Variants in PRDM5 observed in about 807,000 individuals in gnomAD.
PRDM5 encodes PR/SET domain 5, also known as PR domain zinc finger protein 5.
Under a neutral mutation model 81.2 loss-of-function variants are expected in PRDM5, and 56 were observed. That is an observed-to-expected ratio of 0.69 (90% confidence interval 0.56 to 0.86). PRDM5 has a LOEUF of 0.86. Among genes scored for constraint, PRDM5 ranks in the 40% least tolerant of loss-of-function variants. The probability of loss-of-function intolerance (pLI) is 0.00; values close to 1 mark genes in which losing one functional copy is unlikely to be tolerated. For synonymous variants in PRDM5, 267 were observed against 256.4 expected, an observed-to-expected ratio of 1.04 and a Z score of -0.39; for missense variants, 697 against 770.1, an observed-to-expected ratio of 0.91 and a Z score of 1.12.
At chr4:120,834,443 C>A (rs537116551) in intron 3 of PRDM5, among the ~76,000 whole-genome samples, 1 of 152,204 alleles carries the variant, frequency 6.6e-6, no homozygotes, top group South Asian at 2.1e-4. Context: ...AGGAAGCAGG[C>A]CCTCGTCAGA....
intron 3 of PRDM5, among the ~76,000 whole-genome samples, chr4:120,833,450 T>G (rs1756955612): frequency 6.6e-6 from 1 of 152,152 alleles, no homozygotes. Context: ...AACTCAGATA[T>G]TCCCAAAAGA....
chr4:120,874,599 T>C (rs1031129875), intron 2 of PRDM5, among the ~76,000 whole-genome samples: 6 of 152,172 alleles, frequency 3.9e-5, no homozygotes, highest in African/African-American at 9.7e-5. Context: ...TAACAGCCAA[T>C]TTAAATCAAA....
intron 13 of PRDM5, among the ~76,000 whole-genome samples, chr4:120,766,284 G>T (rs960827243): frequency 3.3e-5 from 5 of 152,132 alleles, no homozygotes; most frequent in African/African-American, 1.2e-4. Flanking sequence ...CCATTTATCA[G>T]AGATGAGGAA....
chr4:120,698,489 A>G (rs1205360301), intron 15 of PRDM5, among the ~76,000 whole-genome samples: 1 of 151,956 alleles, frequency 6.6e-6, no homozygotes, highest in Non-Finnish European at 1.5e-5. Flanking sequence ...TTCACTAGGT[A>G]TTTTCTCCTC....
At chr4:120,877,530 T>A (rs1268807076) in intron 2 of PRDM5, among the ~76,000 whole-genome samples, 1 of 152,080 alleles carries the variant, frequency 6.6e-6, no homozygotes, top group East Asian at 1.9e-4. Flanking sequence ...CGGGGCCGGG[T>A]GCGGTGGCTC....
At chr4:120,843,747 T>G (rs1207201142) in intron 3 of PRDM5, among the ~76,000 whole-genome samples, 1 of 151,994 alleles carries the variant, frequency 6.6e-6, no homozygotes, top group Non-Finnish European at 1.5e-5. Context: ...CACAAAACTT[T>G]CTTCTTTAAA....
chr4:120,873,883 C>T (rs1162385304), intron 2 of PRDM5, among the ~76,000 whole-genome samples: 1 of 152,156 alleles, frequency 6.6e-6, no homozygotes, highest in Non-Finnish European at 1.5e-5. Context: ...TAGATAGAAA[C>T]TATTAAATAG....
chr4:120,688,193 CT>C (rs1733905986), downstream of PRDM5, among the ~76,000 whole-genome samples: 1 of 151,304 alleles, frequency 6.6e-6, no homozygotes, highest in Non-Finnish European at 1.5e-5. Context: ...TGAGGTGACA[CT>C]TCATAGTGGT....
chr4:120,771,063 C>T (rs1447286997), intron 13 of PRDM5, among the ~76,000 whole-genome samples: 1 of 151,974 alleles, frequency 6.6e-6, no homozygotes, highest in Non-Finnish European at 1.5e-5. Context: ...ATCCATATCA[C>T]TTTTGTTACC....
At chr4:120,853,775 C>CCTA (rs1391535681) in intron 2 of PRDM5, among the ~76,000 whole-genome samples, 2 of 152,130 alleles carry the variant, frequency 1.3e-5, no homozygotes, top group Non-Finnish European at 2.9e-5. Flanking sequence ...TCAGAAACAT[C>CCTA]CTACGTTGAT....
intron 3 of PRDM5, among the ~76,000 whole-genome samples, chr4:120,849,123 T>C (rs1382607325): frequency 6.6e-6 from 1 of 152,198 alleles, no homozygotes; most frequent in Non-Finnish European, 1.5e-5. Context: ...GGTTGCTTAG[T>C]TGGTACTGCT....
rs1176024134 is a variant in PRDM5, at chr4:120,818,338, C to A, written c.650+15G>T. The A allele has an allele frequency of 1.2e-6, 2 of 1,609,530 alleles. No individual in the cohort carries two copies. The highest frequency in any genetic ancestry group is 1.7e-6 in the Non-Finnish European group (2 of 1,176,168). On this transcript the variant is annotated intron_variant, in intron 5 of 15. Transcript: ENST00000264808. ...TTAGCTTATAATTTTAAAGATATTT[C>A]TTTAATATACGCACTGTCTTTGCAA...
At chr4:120,816,970 G>C in intron 5 of PRDM5, 46 bp from the exon 6 acceptor site, 1 of 1,421,696 alleles carries the variant, frequency 7.0e-7, no homozygotes, top group Non-Finnish European at 9.9e-7. Context: ...ACAAAAACTG[G>C]AACTCTAAGA....
At chr4:120,704,006 T>G (rs535948160) in intron 15 of PRDM5, among the ~76,000 whole-genome samples, 2 of 152,250 alleles carry the variant, frequency 1.3e-5, no homozygotes, top group African/African-American at 4.8e-5. Flanking sequence ...GGATACAAAG[T>G]GCAAGTCCAT....
intron 2 of PRDM5, among the ~76,000 whole-genome samples, chr4:120,873,996 T>C (rs1001876321): frequency 5.9e-5 from 9 of 152,148 alleles, no homozygotes; most frequent in African/African-American, 2.2e-4. Context: ...ATTGTACATA[T>C]TTATGGGGTA....
At chr4:120,779,201 T>C (rs952206122) in intron 12 of PRDM5, among the ~76,000 whole-genome samples, 1 of 152,040 alleles carries the variant, frequency 6.6e-6, no homozygotes, top group African/African-American at 2.4e-5. Context: ...CAAAAATATA[T>C]CTATTATTAG....
At chr4:120,699,465 C>T (rs7699945) in intron 15 of PRDM5, among the ~76,000 whole-genome samples, 26,215 of 151,890 alleles carry the variant, frequency 0.17, 2,599 homozygotes, top group Non-Finnish European at 0.24. Flanking sequence ...GAGACACAAA[C>T]TGCAATCCTA....
At chr4:120,872,150 C>CAA (rs70948365) in intron 2 of PRDM5, among the ~76,000 whole-genome samples, 976 of 41,260 alleles carry the variant, frequency 0.024, 75 homozygotes, top group African/African-American at 0.06. Context: ...GACTCCATCT[C>CAA]AAAAAAAAAA....
chr4:120,742,743 G>T (rs1294747197), intron 14 of PRDM5, among the ~76,000 whole-genome samples: 1 of 152,090 alleles, frequency 6.6e-6, no homozygotes, highest in East Asian at 1.9e-4. Context: ...AGAATAAAAA[G>T]AAACGAGCAA....
Sources: allele counts gnomAD v4.1 joint callset (sites outside exome capture counted in the v4.1 genomes callset), GRCh38; gene constraint gnomAD v4.1.1; transcripts MANE v1.5; gene names NCBI Gene and HGNC (gene_info 2026-07-23, HGNC 2026-07-21).